Variants in DYM observed in about 807,000 individuals in gnomAD.
The protein encoded by DYM is dymeclin.
DYM carries 78 observed loss-of-function variants against 93.1 expected under a neutral mutation model. That is an observed-to-expected ratio of 0.84 (90% confidence interval 0.70 to 1.01). The LOEUF (loss-of-function observed/expected upper bound fraction) is 1.01. Among genes scored for constraint, DYM ranks in the 50% least tolerant of loss-of-function variants. DYM has a pLI of 0.00. For synonymous variants in DYM, 321 were observed against 319.7 expected, an observed-to-expected ratio of 1.00 and a Z score of -0.04; for missense variants, 789 against 845.0, an observed-to-expected ratio of 0.93 and a Z score of 0.82.
chr18:49,360,311 T>C (rs2065907360), intron 6 of DYM, among the ~76,000 whole-genome samples: 1 of 148,478 alleles, frequency 6.7e-6, no homozygotes, highest in South Asian at 2.1e-4. Flanking sequence ...AAATTCCTGG[T>C]ATTGTGTTAT....
At chr18:49,052,348 T>C (rs76159917) in intron 17 of DYM, among the ~76,000 whole-genome samples, 3,138 of 152,324 alleles carry the variant, frequency 0.021, 104 homozygotes, top group African/African-American at 0.07. Flanking sequence ...GAGACTTAAA[T>C]AGCAATTCTT....
chr18:49,092,856 C>T (rs1255617302), intron 17 of DYM, among the ~76,000 whole-genome samples: 1 of 152,074 alleles, frequency 6.6e-6, no homozygotes, highest in Non-Finnish European at 1.5e-5. Flanking sequence ...CTTAGTCTTC[C>T]ACCAGAGAGC....
intron 13 of DYM, among the ~76,000 whole-genome samples, chr18:49,231,163 A>T (rs2093683056): frequency 6.6e-6 from 1 of 152,188 alleles, no homozygotes; most frequent in Non-Finnish European, 1.5e-5. Flanking sequence ...CTAATTTTCA[A>T]CTTATTTATT....
At chr18:49,103,041 G>C (rs563574015) in intron 16 of DYM, among the ~76,000 whole-genome samples, 2 of 152,084 alleles carry the variant, frequency 1.3e-5, no homozygotes, top group Non-Finnish European at 1.5e-5. Flanking sequence ...AACAGTGTAA[G>C]AGTGTTCCTA....
intron 17 of DYM, chr18:49,093,221 C>A (rs1441833147): frequency 6.6e-6 from 1 of 152,096 alleles, no homozygotes; most frequent in African/African-American, 2.4e-5. Context: ...GCTCACCTGA[C>A]AGACAAGCCA....
intron 11 of DYM, among the ~76,000 whole-genome samples, chr18:49,271,927 A>G (rs1014391226): frequency 6.6e-6 from 1 of 151,564 alleles, no homozygotes; most frequent in Non-Finnish European, 1.5e-5. Flanking sequence ...AAATGAACCC[A>G]GTAGCAGCAA....
At chr18:49,422,494 G>A (rs187576542) in intron 2 of DYM, among the ~76,000 whole-genome samples, 5 of 151,876 alleles carry the variant, frequency 3.3e-5, no homozygotes, top group African/African-American at 4.8e-5. Flanking sequence ...TCAACTAAAG[G>A]GCAAAATAAC....
At chr18:49,397,060 T>C (rs953395608) in intron 2 of DYM, among the ~76,000 whole-genome samples, 1 of 152,240 alleles carries the variant, frequency 6.6e-6, no homozygotes, top group Non-Finnish European at 1.5e-5. Flanking sequence ...TAATTTTGAA[T>C]GTTCTCACCA....
At chr18:49,319,393 A>C (rs1221137293) in intron 8 of DYM, among the ~76,000 whole-genome samples, 1 of 152,174 alleles carries the variant, frequency 6.6e-6, no homozygotes, top group Non-Finnish European at 1.5e-5. Flanking sequence ...CCTTTTTAAT[A>C]ATCTAAAAAA....
At chr18:49,428,593 G>A (rs1237950632) in intron 2 of DYM, among the ~76,000 whole-genome samples, 5 of 152,150 alleles carry the variant, frequency 3.3e-5, no homozygotes, top group African/African-American at 9.7e-5. Context: ...GGCTGAGGCC[G>A]AAGAATTGCT....
chr18:49,397,924 A>G (rs2070311551), intron 2 of DYM, among the ~76,000 whole-genome samples: 1 of 152,236 alleles, frequency 6.6e-6, no homozygotes, highest in Non-Finnish European at 1.5e-5. Context: ...TGGCTACTAG[A>G]AAACCTTAAA....
At chr18:49,050,667 C>CTAG (rs2072313082) in intron 17 of DYM, among the ~76,000 whole-genome samples, 1 of 152,028 alleles carries the variant, frequency 6.6e-6, no homozygotes, top group African/African-American at 2.4e-5. Context: ...GTGGAAATGA[C>CTAG]TCTGACTAGA....
At chr18:49,440,131 A>G (rs965577624) in intron 1 of DYM, among the ~76,000 whole-genome samples, 5 of 145,216 alleles carry the variant, frequency 3.4e-5, no homozygotes, top group African/African-American at 1.2e-4. Context: ...TTTTATGTGT[A>G]CTGACTATCT....
chr18:49,224,273 G>A (rs2093456655), intron 13 of DYM, among the ~76,000 whole-genome samples: 1 of 152,018 alleles, frequency 6.6e-6, no homozygotes, highest in Non-Finnish European at 1.5e-5. Flanking sequence ...TTTTCGACAT[G>A]CTGAGTTTGA....
At chr18:49,126,442 A>C (rs985548935) in intron 15 of DYM, 2 of 152,252 alleles carry the variant, frequency 1.3e-5, no homozygotes, top group Non-Finnish European at 2.9e-5. Context: ...TGTCTGGTTC[A>C]GACATCCTTG....
At chr18:49,360,336 T>C (rs1013308677) in intron 6 of DYM, among the ~76,000 whole-genome samples, 1 of 146,292 alleles carries the variant, frequency 6.8e-6, no homozygotes, top group Admixed American at 6.8e-5. Context: ...AAAAAAAAAA[T>C]ATTTAGGGCT....
At chr18:49,080,243 TGG>T (rs2077756682) in intron 17 of DYM, among the ~76,000 whole-genome samples, 2 of 119,068 alleles carry the variant, frequency 1.7e-5, no homozygotes, top group Admixed American at 1.6e-4. Flanking sequence ...ACGGGGCGGC[TGG>T]CCGGGCAGAG....
intron 11 of DYM, among the ~76,000 whole-genome samples, chr18:49,270,960 CA>C (rs1426274752): frequency 2.6e-5 from 4 of 152,034 alleles, no homozygotes; most frequent in Admixed American, 6.6e-5. Flanking sequence ...AAAAACAATC[CA>C]CCCAAAAAAT....
chr18:49,199,318 G>C (rs1474042369), intron 14 of DYM, among the ~76,000 whole-genome samples: 1 of 152,176 alleles, frequency 6.6e-6, no homozygotes, highest in African/African-American at 2.4e-5. Context: ...CATGGCACAT[G>C]TATACATATG....
Sources: allele counts gnomAD v4.1 joint callset (sites outside exome capture counted in the v4.1 genomes callset), GRCh38; gene constraint gnomAD v4.1.1; transcripts MANE v1.5; gene names NCBI Gene and HGNC (gene_info 2026-07-23, HGNC 2026-07-21).